Variants in GPR35 observed in about 807,000 individuals in gnomAD.
GPR35 encodes G protein-coupled receptor 35, also known as KYNA receptor.
For missense variants in GPR35, 372 were observed against 422.5 expected (o/e 0.88, Z 1.05); for synonymous variants, 207 against 198.4 (o/e 1.04, Z -0.36).
At chr2:240,616,911 A>G in intron 3 of GPR35, 1 of 763,428 alleles carries the variant, frequency 1.3e-6, no homozygotes, top group Non-Finnish European at 2.4e-6. Context: ...AACTGAGGGC[A>G]GGAACCAGGG....
chr2:240,625,912 CTGATGGGGTCTCAGAGTGGGGTGAGGCTG>C (rs2043368572), intron 1 of GPR35, among the ~76,000 whole-genome samples: 1 of 100,132 alleles, frequency 1.0e-5, no homozygotes, highest in Non-Finnish European at 2.0e-5. Context: ...GGGTGAGGCT[CTGATGGGGTCTCAGAGTGGGGTGAGGCTG>C]TGATGGGTTC....
In GPR35 at chr2:240,632,367, G is replaced by T. The variant is rs33986981; in HGVS notation, c.*1485G>T. On this transcript the variant is annotated 3_prime_UTR_variant, in exon 2 of 2. Transcript: ENST00000407714. ...AGTGTCCCTGTCCAGGAGGCTCCATGCCCAGGAGGCTCCATGTCAAGAAAG... is the reference window on the plus strand; with the variant it reads ...AGTGTCCCTGTCCAGGAGGCTCCATTCCCAGGAGGCTCCATGTCAAGAAAG... Among the ~76,000 whole-genome samples the T allele has an allele frequency of 0.17, 25,733 of 151,624 alleles. 2,721 individuals carry two copies. Among genetic ancestry groups the T allele is most frequent in the East Asian group, 0.32 (1,618 of 5,086 alleles).
Position 240,625,532 on chromosome 2 carries a change from TCA to T in GPR35, c.-35_-34del. 1.0e-6 allele frequency: 1 copy of T among 985,524 alleles called. No homozygotes were observed. The highest frequency in any genetic ancestry group is 1.2e-6 in the Non-Finnish European group (1 of 830,246). The allele number at this position is 985,524 out of a possible 1,614,324, so 61.0% of individuals were successfully genotyped here. ...ACTGTGCAGGCTTTGGCAGCGGGGG[TCA>T]CACACTCCACCCGGGAGGCCAAAGC... On this transcript the variant is annotated 5_prime_UTR_variant, in exon 1 of 2. Coordinates refer to ENST00000407714, the MANE Select transcript of GPR35 (RefSeq NM_005301.5).
intron 2 of GPR35, among the ~76,000 whole-genome samples, chr2:240,612,823 A>G (rs1466643294): frequency 6.6e-6 from 1 of 152,200 alleles, no homozygotes; most frequent in Non-Finnish European, 1.5e-5. Flanking sequence ...AGCGTGGGTG[A>G]GAACCGTGGC....
intron 2 of GPR35, among the ~76,000 whole-genome samples, chr2:240,614,923 C>T (rs943404613): frequency 2.0e-5 from 3 of 151,644 alleles, no homozygotes; most frequent in African/African-American, 7.3e-5. Context: ...CATATATATG[C>T]ATTTGTGTGT....
At chr2:240,617,339 G>T in exon 4 of GPR35, 2 of 687,976 alleles carry the variant, frequency 2.9e-6, no homozygotes, top group South Asian at 1.5e-5. Context: ...CCGAATTCCT[G>T]ACCCACAGGA....
intron 2 of GPR35, among the ~76,000 whole-genome samples, chr2:240,607,032 A>G (rs1163089356): frequency 6.6e-6 from 1 of 152,168 alleles, no homozygotes; most frequent in Non-Finnish European, 1.5e-5. Flanking sequence ...AGAATAGGCT[A>G]GTGTTGACAT....
Position 240,631,060 on chromosome 2 carries a change from G to A in GPR35, c.*178G>A. 1 of 624,486 alleles carries A rather than the reference G, an allele frequency of 1.6e-6. No individual in the cohort carries two copies. The allele number at this position is 624,486 out of a possible 1,614,324, so 38.7% of individuals were successfully genotyped here. Reference sequence around the variant, plus strand: ...GTACCTGCTCTCTTGGGAAGAGAGAGGGACAGGGACAAGGGCAAGAGGACT... The same window carrying A: ...GTACCTGCTCTCTTGGGAAGAGAGAAGGACAGGGACAAGGGCAAGAGGACT... On this transcript the variant is annotated 3_prime_UTR_variant, in exon 2 of 2. Transcript: ENST00000407714.
At chr2:240,626,198 T>G (rs72484041) in intron 1 of GPR35, among the ~76,000 whole-genome samples, 2 of 31,304 alleles carry the variant, frequency 6.4e-5, no homozygotes, top group Admixed American at 4.3e-4. Context: ...CAGAGCGGGG[T>G]GAGGCTGTGA....
chr2:240,625,468 C>T, upstream of GPR35: 1 of 985,688 alleles, frequency 1.0e-6, no homozygotes, highest in African/African-American at 1.7e-5. Context: ...AGGGGTGGCT[C>T]ACCCCAGCTT....
chr2:240,622,100 A>G (rs2043302630), upstream of GPR35, among the ~76,000 whole-genome samples: 1 of 151,740 alleles, frequency 6.6e-6, no homozygotes, highest in Non-Finnish European at 1.5e-5. Flanking sequence ...GGCTGGTCTC[A>G]AACTTCTGGG....
intron 2 of GPR35, among the ~76,000 whole-genome samples, chr2:240,609,369 A>G (rs915221992): frequency 6.6e-6 from 1 of 152,202 alleles, no homozygotes; most frequent in African/African-American, 2.4e-5. Context: ...TCCTCTAAGC[A>G]TCACACTAAC....
chr2:240,630,010 A>C lies in GPR35; in HGVS notation c.58A>C (p.Lys20Gln). 1 of 1,612,186 alleles carries C rather than the reference A, an allele frequency of 6.2e-7. No individual in the cohort carries two copies. The highest frequency in any genetic ancestry group is 8.5e-7 in the Non-Finnish European group (1 of 1,179,270). The stretch of plus-strand genomic sequence containing the variant: ...CGACCTCACCTGGCCCCCAGCGATC[A>C]AGCTGGGCTTCTACGCCTACTTGGG... ...SSDLTWPPAI[K>Q]LGFYAYLGVL... The change falls in exon 2 of 2, where the codon AAG becomes CAG. Residue 20 changes from lysine (K) to glutamine (Q), a missense_variant. Transcript: ENST00000407714.
At chr2:240,617,174 C>T (rs2043248111) in exon 4 of GPR35, 1 of 713,914 alleles carries the variant, frequency 1.4e-6, no homozygotes, top group South Asian at 1.5e-5. Context: ...GGATTGCAGA[C>T]TCATGAAAGA....
upstream of GPR35, among the ~76,000 whole-genome samples, chr2:240,623,379 G>GTGAGGGTGCAAACAGGTCA (rs1559437596): frequency 2.6e-3 from 271 of 104,834 alleles, 47 homozygotes; most frequent in South Asian, 6.9e-3. Flanking sequence ...CAAACAGGTC[G>GTGAGGGTGCAAACAGGTCA]TGAGGGCGCA....
In GPR35 at chr2:240,618,848, A is replaced by G. The variant is rs550445938; in HGVS notation, c.-148-40A>G. The G allele has an allele frequency of 6.5e-6, 4 of 616,524 alleles. No individual in the cohort carries two copies. In the Admixed American group the frequency reaches 1.0e-4, roughly 16 times the overall value. The allele number at this position is 616,524 out of a possible 1,614,324, so 38.2% of individuals were successfully genotyped here. On this transcript the variant is annotated intron_variant, in intron 4 of 5. Coordinates refer to the GPR35 transcript ENST00000319838. ...ACAAATACATTCTGGAGATGACCAT[A>G]TGACAGTGTGTAGAAATATTTCTCC...
At chr2:240,608,129 C>T (rs1034602336) in intron 2 of GPR35, among the ~76,000 whole-genome samples, 1 of 152,124 alleles carries the variant, frequency 6.6e-6, no homozygotes, top group African/African-American at 2.4e-5. Flanking sequence ...TATCTTCAAG[C>T]GATCTTCTCA....
At chr2:240,621,995 C>CT (rs1448636915), upstream of GPR35, among the ~76,000 whole-genome samples, 2 of 152,074 alleles carry the variant, frequency 1.3e-5, no homozygotes, top group African/African-American at 4.8e-5. Context: ...GCCTTAGCCT[C>CT]CTGAGTAGCT....
chr2:240,606,825 GTTGT>G, intron 2 of GPR35, among the ~76,000 whole-genome samples: 1 of 152,222 alleles, frequency 6.6e-6, no homozygotes, highest in Non-Finnish European at 1.5e-5. Context: ...GGCCTTAAGT[GTTGT>G]TTAAGGAGCC....
Sources: allele counts gnomAD v4.1 joint callset (sites outside exome capture counted in the v4.1 genomes callset), GRCh38; gene constraint gnomAD v4.1.1; transcripts MANE v1.5; gene names NCBI Gene and HGNC (gene_info 2026-07-23, HGNC 2026-07-21).